The following CSMD1 variants were observed in gnomAD, a reference collection of about 807,000 sequenced individuals.
CSMD1 encodes the protein CUB and Sushi multiple domains 1.
A neutral mutation model predicts 417.5 loss-of-function variants in CSMD1; 213 were observed. That is an observed-to-expected ratio of 0.51 (90% confidence interval 0.46 to 0.57). CSMD1 has a LOEUF of 0.57. CSMD1 is among the 20% of genes least tolerant of loss of function. The pLI is 0.00. For synonymous variants in CSMD1, 2,862 were observed against 1,736.8 expected (o/e 1.65, Z -16.11); for missense variants, 6,923 against 4,529.7 (o/e 1.53, Z -15.17).
At chr8:4,254,617 A>C (rs1803320395) in intron 3 of CSMD1, among the ~76,000 whole-genome samples, 1 of 152,112 alleles carries the variant, frequency 6.6e-6, no homozygotes, top group African/African-American at 2.4e-5. Context: ...ACCCTGGACA[A>C]CTTCCAGGCC....
intron 10 of CSMD1, among the ~76,000 whole-genome samples, chr8:3,554,016 C>T (rs1239721153): frequency 6.6e-6 from 1 of 151,694 alleles, no homozygotes; most frequent in African/African-American, 2.4e-5. Flanking sequence ...TTTTATTTTT[C>T]AAAAAAAATA....
At chr8:4,991,436 G>C (rs1563945812) in intron 1 of CSMD1, among the ~76,000 whole-genome samples, 1 of 152,220 alleles carries the variant, frequency 6.6e-6, no homozygotes, top group African/African-American at 2.4e-5. Flanking sequence ...GGGTTCCAGT[G>C]ACCTCAACTG....
chr8:3,722,969 A>G (rs1287567646), intron 6 of CSMD1, among the ~76,000 whole-genome samples: 2 of 152,214 alleles, frequency 1.3e-5, no homozygotes, highest in Non-Finnish European at 2.9e-5. Context: ...AAGAGCTTAA[A>G]GCAGCATTTT....
chr8:4,050,802 T>C (rs2130690535), intron 3 of CSMD1, among the ~76,000 whole-genome samples: 1 of 152,274 alleles, frequency 6.6e-6, no homozygotes, highest in Non-Finnish European at 1.5e-5. Flanking sequence ...AAACGGTGAA[T>C]TTACCATCTT....
At chr8:4,000,600 A>G (rs972482111) in intron 4 of CSMD1, among the ~76,000 whole-genome samples, 5 of 152,202 alleles carry the variant, frequency 3.3e-5, no homozygotes, top group African/African-American at 7.2e-5. Flanking sequence ...GCAAATATAA[A>G]TATCTCCTTC....
In CSMD1 at chr8:3,661,437, G is replaced by C. The variant is rs1563245808; in HGVS notation, c.1010-44640C>G. 5.3e-5 allele frequency among the ~76,000 whole-genome samples: 8 copies of C among 152,250 alleles called. No individual in the cohort carries two copies. The South Asian group carries it at 1.7e-3, about 32-fold the overall frequency. On this transcript the variant is annotated intron_variant, in intron 7 of 69. Transcript: ENST00000635120. ...CCACGTGGCTGTGCTGAGGCTCTCTGAATCTGCTGTGATTCTAGGGGTTGC... is the reference window on the plus strand; with the variant it reads ...CCACGTGGCTGTGCTGAGGCTCTCTCAATCTGCTGTGATTCTAGGGGTTGC...
intron 7 of CSMD1, among the ~76,000 whole-genome samples, chr8:3,696,015 C>A (rs2623593): frequency 0.047 from 7,088 of 152,188 alleles, 541 homozygotes; most frequent in African/African-American, 0.16. Context: ...TTGTGGAAGA[C>A]CTACCATTTG....
chr8:3,272,600 A>T lies in CSMD1; in HGVS notation c.4153+11544T>A, dbSNP rs1332047663. 1.5e-5 allele frequency among the ~76,000 whole-genome samples: 2 copies of T among 135,860 alleles called. 1 individual carries two copies. The highest frequency in any genetic ancestry group is 1.5e-4 in the Admixed American group (2 of 13,306). The allele number at this position is 135,860 out of a possible 152,430, so 89.1% of individuals were successfully genotyped here. On this transcript the variant is annotated intron_variant, in intron 26 of 69. Coordinates refer to ENST00000635120, the MANE Select transcript of CSMD1 (RefSeq NM_033225.6). ...CTTCCATTTGTTTGTATCTTCTTTT[A>T]TTTCCTTGAGCAGTGGTTTGTAGTT...
At chr8:3,517,622 A>AT (rs1021306675) in intron 10 of CSMD1, among the ~76,000 whole-genome samples, 3 of 152,178 alleles carry the variant, frequency 2.0e-5, no homozygotes, top group African/African-American at 7.2e-5. Context: ...TTACTATACG[A>AT]TTTTTTTGGG....
At chr8:3,332,725 G>C (rs772115501) in intron 23 of CSMD1, among the ~76,000 whole-genome samples, 1 of 152,188 alleles carries the variant, frequency 6.6e-6, no homozygotes, top group Non-Finnish European at 1.5e-5. Context: ...GAAATTATCT[G>C]AGATGGAAGG....
At chr8:4,063,314 AAAT>A (rs1244118402) in intron 3 of CSMD1, among the ~76,000 whole-genome samples, 10 of 152,274 alleles carry the variant, frequency 6.6e-5, no homozygotes, top group African/African-American at 2.2e-4. Flanking sequence ...ACAATGTAAA[AAAT>A]AATTTAAAGA....
At chr8:2,975,987 A>G (rs1804883002) in intron 55 of CSMD1, among the ~76,000 whole-genome samples, 1 of 152,218 alleles carries the variant, frequency 6.6e-6, no homozygotes, top group Non-Finnish European at 1.5e-5. Flanking sequence ...GACAAAAACA[A>G]AACTAAACCA....
intron 5 of CSMD1, among the ~76,000 whole-genome samples, chr8:3,983,778 G>A (rs753941998): frequency 1.3e-5 from 2 of 152,118 alleles, no homozygotes; most frequent in Admixed American, 6.5e-5. Flanking sequence ...TGCACCTCTA[G>A]AGCACGTCGC....
At chr8:4,704,890 A>C (rs571895169) in intron 1 of CSMD1, among the ~76,000 whole-genome samples, 1 of 152,260 alleles carries the variant, frequency 6.6e-6, no homozygotes, top group South Asian at 2.1e-4. Context: ...ATGGTAAAGA[A>C]AACTGCTTAA....
intron 2 of CSMD1, among the ~76,000 whole-genome samples, chr8:4,442,487 G>T (rs540835351): frequency 6.6e-6 from 1 of 152,028 alleles, no homozygotes; most frequent in East Asian, 1.9e-4. Context: ...TATTACATCT[G>T]TTATGTATAT....
intron 5 of CSMD1, among the ~76,000 whole-genome samples, chr8:3,972,130 G>C (rs1021529884): frequency 6.6e-6 from 1 of 152,056 alleles, no homozygotes; most frequent in Admixed American, 6.5e-5. Context: ...CTGGGACGGC[G>C]AAAGTGCTGG....
intron 3 of CSMD1, among the ~76,000 whole-genome samples, chr8:4,276,929 G>C (rs1008627215): frequency 6.6e-6 from 1 of 152,078 alleles, no homozygotes; most frequent in Admixed American, 6.6e-5. Context: ...TCATTTCAAA[G>C]TAGCCTGTGT....
chr8:4,743,006 T>A lies in CSMD1; in HGVS notation c.86-105448A>T, dbSNP rs561391899. Among the ~76,000 whole-genome samples, 48 of 152,348 alleles carry A rather than the reference T, an allele frequency of 3.2e-4. No homozygotes were observed. In the East Asian group the frequency reaches 7.1e-3, roughly 23 times the overall value. On this transcript the variant is annotated intron_variant, in intron 1 of 69. Coordinates refer to ENST00000635120, the MANE Select transcript of CSMD1 (RefSeq NM_033225.6). ...GTCAACTGTCAACCACATGCTTCAC[T>A]GTGTTTGGAGAATTACAGCTATTTT...
chr8:3,970,837 C>T (rs148905098), intron 5 of CSMD1, among the ~76,000 whole-genome samples: 2,417 of 152,104 alleles, frequency 0.016, 52 homozygotes, highest in African/African-American at 0.053. Flanking sequence ...CTGCAACCTC[C>T]GCCTCCCGGG....
Sources: gnomAD v4.1 joint callset for allele counts (sites outside exome capture counted in the v4.1 genomes callset) on GRCh38, gnomAD v4.1.1 for gene constraint, MANE v1.5 for transcripts, NCBI Gene and HGNC (gene_info 2026-07-23, HGNC 2026-07-21) for gene names.